The following AUTS2 variants were observed in gnomAD, a reference collection of about 807,000 sequenced individuals.
The protein encoded by AUTS2 is activator of transcription and developmental regulator AUTS2.
Under a neutral mutation model 112.4 loss-of-function variants are expected in AUTS2, and 17 were observed. The observed-to-expected ratio is 0.15, with a 90% CI of 0.10 to 0.23. AUTS2 has a LOEUF of 0.23. AUTS2 is among the 10% of genes least tolerant of loss of function. The pLI, the probability that AUTS2 is intolerant of heterozygous loss-of-function variation, is 1.00. For missense variants in AUTS2, 1,510 were observed against 1,701.6 expected (o/e 0.89, Z 1.98); for synonymous variants, 751 against 702.7 (o/e 1.07, Z -1.09).
At position 69,708,216 on chromosome 7, in the gene AUTS2, A is replaced by G. The variant is rs149678968; in HGVS notation, c.309+108254A>G. Among the ~76,000 whole-genome samples the G allele has an allele frequency of 2.4e-3, 365 of 152,334 alleles. 6 individuals are homozygous for G. Among genetic ancestry groups the G allele is most frequent in the Non-Finnish European group, 5.6e-4 (38 of 68,032 alleles). ...ATCACTGGTTTGTTAATATCTACAGAAACACACACAGGAAAAATATTCTAG... is the reference window on the plus strand; with the variant it reads ...ATCACTGGTTTGTTAATATCTACAGGAACACACACAGGAAAAATATTCTAG... On this transcript the variant is annotated intron_variant, in intron 1 of 18. Transcript: ENST00000342771.
At chr7:70,276,514 G>T (rs1304550702) in intron 4 of AUTS2, among the ~76,000 whole-genome samples, 3 of 151,784 alleles carry the variant, frequency 2.0e-5, no homozygotes, top group African/African-American at 7.3e-5. Flanking sequence ...GAGTAGCTGG[G>T]ATTAGAGGTC....
chr7:69,940,060 T>G (rs534205246), intron 2 of AUTS2, among the ~76,000 whole-genome samples: 1 of 152,320 alleles, frequency 6.6e-6, no homozygotes, highest in African/African-American at 2.4e-5. Context: ...TAGAACAAAC[T>G]TATAAGGTAG....
chr7:70,543,289 G>A (rs913887276), intron 5 of AUTS2, among the ~76,000 whole-genome samples: 1 of 152,028 alleles, frequency 6.6e-6, no homozygotes, highest in African/African-American at 2.4e-5. Context: ...ATCATTTGAG[G>A]TCAGGAGTTT....
At chr7:69,838,678 G>A (rs1344192910) in intron 1 of AUTS2, among the ~76,000 whole-genome samples, 2 of 152,052 alleles carry the variant, frequency 1.3e-5, no homozygotes, top group Non-Finnish European at 2.9e-5. Flanking sequence ...TTTAGCAGTG[G>A]AACTCTTCTT....
At position 70,043,701 on chromosome 7, in the gene AUTS2, C is replaced by T. The variant is rs574151458; in HGVS notation, c.523-74431C>T. ...CTTGGCTTACCACAACCTCCACCTC[C>T]TGAGTTCAAGCAATTCTCCTGCCTC... On this transcript the variant is annotated intron_variant, in intron 2 of 18. Transcript: ENST00000342771. 3.3e-4 allele frequency among the ~76,000 whole-genome samples: 50 copies of T among 151,836 alleles called. 1 individual carries two copies. The highest frequency in any genetic ancestry group is 1.2e-3 in the African/African-American group (49 of 41,404).
chr7:69,934,654 G>A (rs1039824274), intron 2 of AUTS2, among the ~76,000 whole-genome samples: 1 of 152,268 alleles, frequency 6.6e-6, no homozygotes, highest in Admixed American at 6.5e-5. Context: ...CACTGTGTGT[G>A]TTTGGCATGG....
intron 5 of AUTS2, among the ~76,000 whole-genome samples, chr7:70,573,280 G>C (rs922652195): frequency 3.3e-5 from 5 of 152,188 alleles, no homozygotes; most frequent in African/African-American, 1.2e-4. Flanking sequence ...AGACGCAGTG[G>C]ATTTAATGAG....
intron 5 of AUTS2, among the ~76,000 whole-genome samples, chr7:70,590,679 A>G (rs1039164807): frequency 6.6e-6 from 1 of 152,158 alleles, no homozygotes; most frequent in Non-Finnish European, 1.5e-5. Flanking sequence ...AAACACATGA[A>G]CGTATTATCT....
At position 70,631,799 on chromosome 7, in the gene AUTS2, C is replaced by CA. The variant is rs1422155158; in HGVS notation, c.691-66769dup. On this transcript the variant is annotated intron_variant, in intron 5 of 18. Coordinates refer to ENST00000342771, the MANE Select transcript of AUTS2 (RefSeq NM_015570.4). This position sits in a 1 kb window ranked among gnomAD's most constrained non-coding sequence, Gnocchi z 4.5. Reference sequence around the variant, plus strand: ...CAATACTGCTGCTTGACAGCATCTCCAGCCCCGCGCCCGTGTGTGCTAACT... The same window carrying CA: ...CAATACTGCTGCTTGACAGCATCTCCAAGCCCCGCGCCCGTGTGTGCTAACT... 1.3e-5 allele frequency among the ~76,000 whole-genome samples: 2 copies of CA among 152,120 alleles called. No individual in the cohort carries two copies. Among genetic ancestry groups the CA allele is most frequent in the East Asian group, 3.9e-4 (2 of 5,174 alleles).
At chr7:69,669,123 AT>A (rs1299372554) in intron 1 of AUTS2, among the ~76,000 whole-genome samples, 4 of 152,202 alleles carry the variant, frequency 2.6e-5, no homozygotes, top group Non-Finnish European at 5.9e-5. Flanking sequence ...TATGTGTAAT[AT>A]ATTTTGCTAT....
intron 5 of AUTS2, among the ~76,000 whole-genome samples, chr7:70,619,262 C>T (rs1303097788): frequency 6.6e-6 from 1 of 152,126 alleles, no homozygotes; most frequent in Non-Finnish European, 1.5e-5. Context: ...GTGGGAGTTT[C>T]CTCCCTGCCC....
At chr7:70,644,055 C>T (rs1027198093) in intron 5 of AUTS2, among the ~76,000 whole-genome samples, 3 of 152,104 alleles carry the variant, frequency 2.0e-5, no homozygotes, top group Admixed American at 1.3e-4. Context: ...CTGGTCTAGA[C>T]GACACTTTGG....
chr7:69,844,237 A>G (rs1447258828), intron 1 of AUTS2, among the ~76,000 whole-genome samples: 1 of 152,216 alleles, frequency 6.6e-6, no homozygotes, highest in African/African-American at 2.4e-5. Flanking sequence ...GGAGATTTTT[A>G]AATGAAATAA....
chr7:69,826,515 T>C (rs1436572426), intron 1 of AUTS2, among the ~76,000 whole-genome samples: 1 of 152,208 alleles, frequency 6.6e-6, no homozygotes, highest in Non-Finnish European at 1.5e-5. Context: ...AATCCTTTAT[T>C]TGCATTGCAT....
chr7:70,409,081 AG>A (rs1258450389), intron 4 of AUTS2, among the ~76,000 whole-genome samples: 2 of 152,218 alleles, frequency 1.3e-5, no homozygotes, highest in East Asian at 3.8e-4. Flanking sequence ...ATGCCCCTGA[AG>A]GTTTCATCTT....
intron 2 of AUTS2, among the ~76,000 whole-genome samples, chr7:69,971,818 A>G (rs552643066): frequency 5.3e-5 from 8 of 152,302 alleles, no homozygotes; most frequent in Admixed American, 3.9e-4. Flanking sequence ...GTATGGGTGT[A>G]CCATAGTTTA....
intron 1 of AUTS2, among the ~76,000 whole-genome samples, chr7:69,619,493 C>T (rs2129089196): frequency 6.6e-6 from 1 of 152,238 alleles, no homozygotes; most frequent in Non-Finnish European, 1.5e-5. Context: ...TTTTGGTCTA[C>T]ATCACAGGTT....
intron 2 of AUTS2, among the ~76,000 whole-genome samples, chr7:70,034,539 A>G (rs949418966): frequency 3.3e-5 from 5 of 152,236 alleles, no homozygotes; most frequent in South Asian, 2.1e-4. Flanking sequence ...TATGATTGCA[A>G]TAAGAACTTT....
intron 3 of AUTS2, among the ~76,000 whole-genome samples, chr7:70,126,521 A>G (rs916475048): frequency 2.6e-5 from 4 of 152,178 alleles, no homozygotes; most frequent in Non-Finnish European, 5.9e-5. Context: ...GTCCACATCA[A>G]GGAGACATAG....
Sources: gnomAD v4.1 joint callset for allele counts (sites outside exome capture counted in the v4.1 genomes callset) on GRCh38, gnomAD v4.1.1 for gene constraint, Gnocchi (gnomAD v3.1) non-coding constraint, MANE v1.5 for transcripts, NCBI Gene and HGNC (gene_info 2026-07-23, HGNC 2026-07-21) for gene names.